KCNG3: variants seen among roughly 807,000 people sequenced by gnomAD.
The protein encoded by KCNG3 is voltage-gated potassium channel regulatory subunit KCNG3.
In KCNG3, 15 loss-of-function variants were observed where a neutral mutation model predicts 29.0. The observed-to-expected ratio is 0.52, with a 90% CI of 0.35 to 0.80. KCNG3 has a LOEUF of 0.80. KCNG3 is among the 30% of genes least tolerant of loss of function. The pLI, the probability that KCNG3 is intolerant of heterozygous loss-of-function variation, is 0.01. For synonymous variants in KCNG3, 322 were observed against 248.9 expected (o/e 1.29, Z -2.76); for missense variants, 512 against 605.7 (o/e 0.85, Z 1.62).
chr2:42,392,528 C>T, the KCNG3 span, among the ~76,000 whole-genome samples: 1 of 152,148 alleles, frequency 6.6e-6, no homozygotes, highest in Non-Finnish European at 1.5e-5. Context: ...CTAGGTCCTA[C>T]TGCTGGCAGC....
intron 1 of KCNG3, among the ~76,000 whole-genome samples, chr2:42,454,377 GAATA>G (rs773805699): frequency 3.9e-5 from 6 of 152,184 alleles, no homozygotes; most frequent in South Asian, 2.1e-4. Context: ...ACTGACAAAA[GAATA>G]AATAAAGAAT....
At chr2:42,492,672 A>T (rs1038237509) in intron 1 of KCNG3, among the ~76,000 whole-genome samples, 165 bp downstream of exon 1, 1 of 151,690 alleles carries the variant, frequency 6.6e-6, no homozygotes, top group Middle Eastern at 3.2e-3. Context: ...ACGGGGTAGG[A>T]GTGGGGACCG....
At position 42,444,675 on chromosome 2, in the gene KCNG3, T is replaced by A; in HGVS notation, c.666-96A>T. 1 of 1,119,366 alleles carries A rather than the reference T, an allele frequency of 8.9e-7. No homozygotes were observed. The allele number at this position is 1,119,366 out of a possible 1,614,324, so 69.3% of individuals were successfully genotyped here. A position where few individuals can be genotyped will look rare whatever the true frequency, so the allele number is the denominator to read the frequency against. On this transcript the variant is annotated intron_variant, in intron 1 of 1. Coordinates refer to ENST00000306078, the MANE Select transcript of KCNG3 (RefSeq NM_133329.6). The surrounding 1 kb of genome is among the most constrained non-coding windows in gnomAD (Gnocchi z 5.8). ...GATAGTACTACACTGACATACTAAT[T>A]CAGTTACTTTTCCAGAAAACATAAA...
the KCNG3 span, among the ~76,000 whole-genome samples, chr2:42,418,293 G>A: frequency 1.3e-5 from 2 of 152,070 alleles, no homozygotes; most frequent in African/African-American, 4.8e-5. Context: ...TCCATTTTAA[G>A]GTTAATATTC....
rs1337732796 is a variant in KCNG3 at position 42,493,301 on chromosome 2, CG to C, written c.200del (p.Ser67TrpfsTer32). 1 of 1,611,034 alleles carries C rather than the reference CG, an allele frequency of 6.2e-7. No individual in the cohort carries two copies. The highest frequency in any genetic ancestry group is 1.3e-5 in the African/African-American group (1 of 74,868). On this transcript the variant is annotated frameshift_variant, in exon 1 of 2. Coordinates refer to ENST00000306078, the MANE Select transcript of KCNG3 (RefSeq NM_133329.6). LOFTEE classifies it high-confidence loss of function. ...AGAGCAGGATGAAGCCGAAGGCCTC[CG>C]AGTGCCGGTCGAAGAAGTACTCGTT... The part of the protein sequence containing the change: ...ERNEYFFDRH[S>X]EAFGFILLYV...
chr2:42,400,218 G>GTT, the KCNG3 span, among the ~76,000 whole-genome samples: 1 of 152,140 alleles, frequency 6.6e-6, no homozygotes, highest in Non-Finnish European at 1.5e-5. Context: ...AGAAGCTAGA[G>GTT]ATGAAGCCCA....
chr2:42,474,560 A>G (rs925679758), intron 1 of KCNG3, among the ~76,000 whole-genome samples: 1 of 152,122 alleles, frequency 6.6e-6, no homozygotes, highest in Non-Finnish European at 1.5e-5. Flanking sequence ...AAAAACGGTT[A>G]TGAATCTAAA....
At chr2:42,481,686 C>T (rs1269898567) in intron 1 of KCNG3, among the ~76,000 whole-genome samples, 1 of 152,118 alleles carries the variant, frequency 6.6e-6, no homozygotes, top group African/African-American at 2.4e-5. Context: ...CATTCCCCAC[C>T]ACTCTCACCT....
At chr2:42,470,839 A>G (rs1199968587) in intron 1 of KCNG3, among the ~76,000 whole-genome samples, 1 of 152,064 alleles carries the variant, frequency 6.6e-6, no homozygotes, top group Non-Finnish European at 1.5e-5. Context: ...CCTGGACAAC[A>G]GAGCAAGACC....
chr2:42,430,528 T>C, the KCNG3 span, among the ~76,000 whole-genome samples: 2 of 151,088 alleles, frequency 1.3e-5, no homozygotes, highest in South Asian at 2.1e-4. Context: ...GGCAGGAAGA[T>C]CACTTGGGCC....
At chr2:42,402,688 A>C in the KCNG3 span, among the ~76,000 whole-genome samples, 3 of 152,250 alleles carry the variant, frequency 2.0e-5, no homozygotes, top group African/African-American at 7.2e-5. Context: ...GACAGAGCAC[A>C]TCTATCATAT....
At chr2:42,454,374 AAAG>A (rs768425615) in intron 1 of KCNG3, among the ~76,000 whole-genome samples, 26 of 152,232 alleles carry the variant, frequency 1.7e-4, no homozygotes, top group Non-Finnish European at 2.9e-4. Flanking sequence ...TCCACTGACA[AAAG>A]AATAAATAAA....
At chr2:42,439,255 A>G (rs993163644), downstream of KCNG3, among the ~76,000 whole-genome samples, 37 of 151,108 alleles carry the variant, frequency 2.4e-4, no homozygotes, top group African/African-American at 6.8e-4. Context: ...ATTATTGTAT[A>G]TATATATATA....
intron 1 of KCNG3, among the ~76,000 whole-genome samples, chr2:42,477,382 TATATATACACACACACAC>T (rs1454937156): frequency 9.5e-6 from 1 of 105,206 alleles, no homozygotes; most frequent in Non-Finnish European, 1.7e-5. Context: ...TACACACACA[TATATATACACACACACAC>T]ACACACACAC....
chr2:42,479,652 A>C (rs1228000959), intron 1 of KCNG3, among the ~76,000 whole-genome samples: 1 of 151,748 alleles, frequency 6.6e-6, no homozygotes, highest in East Asian at 1.9e-4. Context: ...TCTCAAAAAA[A>C]AAAAAAAAGA....
In KCNG3 at chr2:42,493,657, G is replaced by C. The variant is rs1673983531; in HGVS notation, c.-156C>G. The C allele has an allele frequency of 1.9e-6, 1 of 535,422 alleles. No homozygotes were observed. The highest frequency in any genetic ancestry group is 3.9e-5 in the East Asian group (1 of 25,850). The allele number at this position is 535,422 out of a possible 1,614,324, so 33.2% of individuals were successfully genotyped here. ...CCGCTCCTGCCCTCCGCTGGCCCGG[G>C]GGTCCCTGGGCTCGAGTATCTCCGG... On this transcript the variant is annotated 5_prime_UTR_variant, in exon 1 of 2. Transcript: ENST00000306078.
the KCNG3 span, among the ~76,000 whole-genome samples, chr2:42,434,067 A>C: frequency 6.6e-6 from 1 of 152,144 alleles, no homozygotes; most frequent in African/African-American, 2.4e-5. Flanking sequence ...GCTACCCCCT[A>C]ATTTATCTAC....
At chr2:42,450,786 A>C (rs79452612) in intron 1 of KCNG3, among the ~76,000 whole-genome samples, 2,787 of 152,310 alleles carry the variant, frequency 0.018, 92 homozygotes, top group African/African-American at 0.063. Flanking sequence ...AAGGTTAAGC[A>C]CTTTTCCAAG....
the KCNG3 span, among the ~76,000 whole-genome samples, chr2:42,419,989 G>A: frequency 6.6e-6 from 1 of 152,168 alleles, no homozygotes; most frequent in Admixed American, 6.5e-5. Flanking sequence ...TTGGGAGGCT[G>A]AGGCGGGCAG....
Sources: allele counts gnomAD v4.1 joint callset (sites outside exome capture counted in the v4.1 genomes callset), GRCh38; gene constraint gnomAD v4.1.1; non-coding constraint Gnocchi (gnomAD v3.1); transcripts MANE v1.5; gene names NCBI Gene and HGNC (gene_info 2026-07-23, HGNC 2026-07-21).